Variants in LEUTX observed in about 807,000 individuals in gnomAD.
LEUTX encodes paired-like homeodomain transcription factor LEUTX.
In LEUTX, 5 loss-of-function variants were observed where a neutral mutation model predicts 4.5. The ratio of observed to expected loss-of-function variants is 1.11; its 90% CI spans 0.58 to 2.34. The LOEUF is 2.34. LEUTX is among the 30% of genes most tolerant of loss of function. LEUTX has a pLI of 0.01. For synonymous variants in LEUTX, 89 were observed against 85.1 expected (o/e 1.05, Z -0.25); for missense variants, 233 against 239.4 (o/e 0.97, Z 0.18).
intron 1 of LEUTX, among the ~76,000 whole-genome samples, chr19:39,779,217 G>T (rs1190138862): frequency 6.6e-6 from 1 of 152,092 alleles, no homozygotes; most frequent in Non-Finnish European, 1.5e-5. Context: ...CTCAGGAGTA[G>T]CTGGGACTTA....
At position 39,784,609 on chromosome 19, in the gene LEUTX, C is replaced by G. The variant is rs756701054; in HGVS notation, c.90C>G (p.Thr30=). 40 of 1,550,240 alleles carry G rather than the reference C, an allele frequency of 2.6e-5. No homozygotes were observed. The highest frequency in any genetic ancestry group is 2.0e-5 in the Admixed American group (1 of 50,980). Residue 30 remains threonine, a synonymous_variant, in exon 2 of 3, where the codon ACC becomes ACG. Transcript: ENST00000638280. ...CATTGAGAGAATTGCTTGAAAAGAC[C>G]ATGCACCCAAGTTTGGCTACAATGG... is the stretch of plus-strand genomic sequence containing the variant. ...LTALRELLEK[T]MHPSLATMGK... is the part of the protein sequence containing the mutation.
At chr19:39,776,514 G>T (rs1967796180), upstream of LEUTX, 5 of 437,860 alleles carry the variant, frequency 1.1e-5, no homozygotes, top group South Asian at 8.0e-5. Context: ...AGAAGCCTTT[G>T]ATGAGAAAGT....
At chr19:39,781,459 A>G (rs1967886364) in intron 1 of LEUTX, among the ~76,000 whole-genome samples, 1 of 151,992 alleles carries the variant, frequency 6.6e-6, no homozygotes, top group African/African-American at 2.4e-5. Context: ...TCCAAATCTC[A>G]TGTTGAAATG....
intron 1 of LEUTX, among the ~76,000 whole-genome samples, chr19:39,783,160 T>G (rs1176643029): frequency 1.3e-5 from 2 of 151,118 alleles, no homozygotes; most frequent in Admixed American, 1.3e-4. Flanking sequence ...GTTACTTCAC[T>G]TAGAATAATG....
chr19:39,778,776 G>A (rs1036816062), upstream of LEUTX: 1 of 151,546 alleles, frequency 6.6e-6, no homozygotes, highest in African/African-American at 2.4e-5. Context: ...GGAGGGCGTG[G>A]TATTAGGGTA....
intron 1 of LEUTX, among the ~76,000 whole-genome samples, chr19:39,781,004 T>C (rs188285293): frequency 6.6e-6 from 1 of 152,206 alleles, no homozygotes; most frequent in African/African-American, 2.4e-5. Flanking sequence ...GTGCCCAGCC[T>C]TATTTCTTTT....
intron 1 of LEUTX, among the ~76,000 whole-genome samples, chr19:39,780,412 T>C (rs1457841860): frequency 6.6e-6 from 1 of 152,242 alleles, no homozygotes; most frequent in Non-Finnish European, 1.5e-5. Flanking sequence ...GGTATTCTGA[T>C]ATTTTTGCAA....
intron 2 of LEUTX, 88 bp from the exon 3 acceptor site, chr19:39,785,610 A>T: frequency 1.0e-6 from 1 of 1,000,606 alleles, no homozygotes; most frequent in Non-Finnish European, 1.5e-6. Flanking sequence ...ACTCTCTCTC[A>T]CACCAAAAAA....
At chr19:39,781,437 A>G (rs529095999) in intron 1 of LEUTX, among the ~76,000 whole-genome samples, 1 of 152,186 alleles carries the variant, frequency 6.6e-6, no homozygotes, top group African/African-American at 2.4e-5. Context: ...TACAGTTTGC[A>G]TATTTGTCCC....
upstream of LEUTX, among the ~76,000 whole-genome samples, chr19:39,778,199 G>A (rs1392642782): frequency 6.6e-6 from 1 of 152,036 alleles, no homozygotes; most frequent in Non-Finnish European, 1.5e-5. Flanking sequence ...ACAGAGAGAG[G>A]GATGCTCAGA....
chr19:39,781,084 T>C (rs987504565), intron 1 of LEUTX, among the ~76,000 whole-genome samples: 1 of 152,102 alleles, frequency 6.6e-6, no homozygotes, highest in Non-Finnish European at 1.5e-5. Context: ...TTTCCCTTTC[T>C]TTTTTCTCTC....
At chr19:39,782,001 T>G (rs540375765) in intron 1 of LEUTX, among the ~76,000 whole-genome samples, 64 of 152,154 alleles carry the variant, frequency 4.2e-4, no homozygotes, top group Non-Finnish European at 5.3e-4. Flanking sequence ...GAATCGACAT[T>G]CATTCTTAGG....
At position 39,785,997 on chromosome 19, in the gene LEUTX, T is replaced by C; in HGVS notation, c.459T>C (p.Pro153=). 1 of 1,551,718 alleles carries C rather than the reference T, an allele frequency of 6.4e-7. No homozygotes were observed. Among genetic ancestry groups the C allele is most frequent in the South Asian group, 1.2e-5 (1 of 84,066 alleles). ...AGATATGTCTGGGGGCTTCAAATCC[T>C]CCTTGGGCCTCCACTCTCTTTGAAA... The part of the protein sequence containing the change: ...IEQICLGASN[P]PWASTLFEID... Residue 153 remains proline, a synonymous_variant, in exon 3 of 3, where the codon CCT becomes CCC. Coordinates refer to ENST00000638280, the MANE Select transcript of LEUTX (RefSeq NM_001382345.1).
In LEUTX at chr19:39,786,015, C is replaced by T; in HGVS notation, c.477C>T (p.Leu159=). 1 of 1,551,740 alleles carries T rather than the reference C, an allele frequency of 6.4e-7. No homozygotes were observed. The highest frequency in any genetic ancestry group is 8.7e-7 in the Non-Finnish European group (1 of 1,147,004). Residue 159 remains leucine, a synonymous_variant, in exon 3 of 3, where the codon CTC becomes CTT. Coordinates refer to ENST00000638280, the MANE Select transcript of LEUTX (RefSeq NM_001382345.1). The stretch of plus-strand genomic sequence containing the variant: ...CAAATCCTCCTTGGGCCTCCACTCT[C>T]TTTGAAATAGATGAATTTGTAAAGA... ...GASNPPWAST[L]FEIDEFVKIY...
rs1038281537 is a variant in LEUTX at position 39,786,077 on chromosome 19, TA to T, written c.542del (p.Asn181IlefsTer34). On this transcript the variant is annotated frameshift_variant, in exon 3 of 3. Transcript: ENST00000638280. LOFTEE classifies it low-confidence loss of function (END_TRUNC). ...DLPGEDDTSSLNQYLFPVCLE... is the reference protein window; with the variant it reads ...DLPGEDDTSSXNQYLFPVCLE... ...CCAGGGGAAGATGACACCAGCAGCC[TA>T]AATCAATATCTTTTTCCAGTATGCC... 1 of 1,549,868 alleles carries T rather than the reference TA, an allele frequency of 6.5e-7. No homozygotes were observed. The highest frequency in any genetic ancestry group is 1.4e-5 in the African/African-American group (1 of 72,990).
chr19:39,785,639 T>C (rs1207028469), intron 2 of LEUTX, 59 bp from the exon 3 acceptor site: 31 of 1,339,444 alleles, frequency 2.3e-5, no homozygotes, highest in Non-Finnish European at 2.8e-5. Flanking sequence ...CTGAGGAACA[T>C]GAGGATGCCC....
At chr19:39,782,860 T>C (rs1014913166) in intron 1 of LEUTX, among the ~76,000 whole-genome samples, 4 of 152,134 alleles carry the variant, frequency 2.6e-5, no homozygotes, top group Non-Finnish European at 5.9e-5. Flanking sequence ...ATATTTGCAT[T>C]CTAATAAAAC....
chr19:39,780,970 C>T (rs1399146107), intron 1 of LEUTX, among the ~76,000 whole-genome samples: 4 of 152,018 alleles, frequency 2.6e-5, no homozygotes, highest in Non-Finnish European at 4.4e-5. Flanking sequence ...TCCCAAAGTG[C>T]TAGTATTACA....
chr19:39,779,205 C>G (rs969553035), intron 1 of LEUTX, among the ~76,000 whole-genome samples: 1 of 152,114 alleles, frequency 6.6e-6, no homozygotes, highest in Non-Finnish European at 1.5e-5. Flanking sequence ...TCCCACCTCA[C>G]CCTCAGGAGT....
Sources: gnomAD v4.1 joint callset for allele counts (sites outside exome capture counted in the v4.1 genomes callset) on GRCh38, gnomAD v4.1.1 for gene constraint, MANE v1.5 for transcripts, NCBI Gene and HGNC (gene_info 2026-07-23, HGNC 2026-07-21) for gene names.